The following SCMH1 variants were observed in gnomAD, a reference collection of about 807,000 sequenced individuals.
SCMH1 encodes Scm polycomb group protein homolog 1, also known as polycomb protein SCMH1.
A neutral mutation model predicts 70.8 loss-of-function variants in SCMH1; 37 were observed. That is an observed-to-expected ratio of 0.52 (90% CI 0.40 to 0.69). The LOEUF is 0.69. SCMH1 is among the 30% of genes least tolerant of loss of function. SCMH1 has a pLI of 0.00. For synonymous variants in SCMH1, 292 were observed against 307.4 expected (o/e 0.95, Z 0.52); for missense variants, 607 against 827.3 (o/e 0.73, Z 3.27).
At chr1:41,067,388 G>A (rs149101363) in intron 10 of SCMH1, among the ~76,000 whole-genome samples, 2,460 of 147,034 alleles carry the variant, frequency 0.017, 27 homozygotes, top group South Asian at 0.03. Context: ...AGGTTGCAGT[G>A]AGCTGAGATC....
rs1436795586 is a variant in SCMH1 at position 41,143,123 on chromosome 1, C to T, written c.178-11G>A. 1 of 1,609,274 alleles carries T rather than the reference C, an allele frequency of 6.2e-7. No homozygotes were observed. The highest frequency in any genetic ancestry group is 8.5e-7 in the Non-Finnish European group (1 of 1,175,776). On this transcript the variant is annotated splice_polypyrimidine_tract_variant and intron_variant, in intron 5 of 14. Transcript: ENST00000337495. ...TGGAGGTGTGTAGGACTGGGAAAAA[C>T]AAGGCATGAGGTATAGACAGATTAA...
chr1:41,202,226 G>A (rs1654521668), intron 1 of SCMH1, among the ~76,000 whole-genome samples: 1 of 151,978 alleles, frequency 6.6e-6, no homozygotes, highest in African/African-American at 2.4e-5. Context: ...AGTAGAGACG[G>A]GGTTTCACCA....
At chr1:41,151,803 T>A (rs981625699) in intron 4 of SCMH1, 119 bp from the exon 5 acceptor site, 1 of 585,294 alleles carries the variant, frequency 1.7e-6, no homozygotes, top group East Asian at 3.2e-5. Context: ...AAAAATATAA[T>A]TTTTTTCCTG....
intron 1 of SCMH1, among the ~76,000 whole-genome samples, chr1:41,197,914 A>T (rs999232867): frequency 2.6e-5 from 4 of 152,122 alleles, no homozygotes; most frequent in African/African-American, 9.7e-5. Flanking sequence ...TCTAATAAAC[A>T]TATTCCTTTT....
chr1:41,176,189 CAA>C (rs61348122), intron 2 of SCMH1, among the ~76,000 whole-genome samples: 1 of 109,960 alleles, frequency 9.1e-6, no homozygotes, highest in South Asian at 2.8e-4. Context: ...CCAAAAAAAA[CAA>C]AAAAAAAACA....
intron 1 of SCMH1, among the ~76,000 whole-genome samples, chr1:41,187,983 A>AAAAT (rs1037917585): frequency 8.5e-5 from 13 of 152,084 alleles, no homozygotes; most frequent in South Asian, 4.2e-4. Flanking sequence ...ACACTGTCTC[A>AAAAT]AAATAAATAA....
intron 9 of SCMH1, among the ~76,000 whole-genome samples, chr1:41,074,299 G>C (rs1657502777): frequency 6.6e-6 from 1 of 152,066 alleles, no homozygotes; most frequent in South Asian, 2.1e-4. Flanking sequence ...GTAGATCTAA[G>C]GGCCAATCTC....
intron 13 of SCMH1, 111 bp from the exon 14 acceptor site, chr1:41,034,159 G>A: frequency 3.5e-6 from 5 of 1,436,678 alleles, no homozygotes; most frequent in Non-Finnish European, 2.8e-6. Context: ...CAAAGCAAGG[G>A]AGCCGAGGCT....
rs1301582638 is a variant in SCMH1 at position 41,109,534 on chromosome 1, T to C, written c.745+3749A>G. ...ACTGCTGGCCAAACTTCTGCTGTTATAGAAAGCGCTTTTGTAGGACTTACT... is the reference window on the plus strand; with the variant it reads ...ACTGCTGGCCAAACTTCTGCTGTTACAGAAAGCGCTTTTGTAGGACTTACT... On this transcript the variant is annotated intron_variant, in intron 8 of 14. Transcript: ENST00000337495. Among the ~76,000 whole-genome samples, 6 of 152,290 alleles carry C rather than the reference T, an allele frequency of 3.9e-5. No homozygotes were observed. The East Asian group carries it at 7.7e-4, about 20-fold the overall frequency.
intron 13 of SCMH1, among the ~76,000 whole-genome samples, chr1:41,030,132 T>G (rs1644313690): frequency 6.6e-6 from 1 of 152,162 alleles, no homozygotes; most frequent in African/African-American, 2.4e-5. Flanking sequence ...AGGAGATCAT[T>G]TGATCCCAGG....
intron 5 of SCMH1, among the ~76,000 whole-genome samples, chr1:41,150,664 C>T (rs1413303140): frequency 7.9e-5 from 12 of 151,920 alleles, no homozygotes; most frequent in East Asian, 1.9e-4. Flanking sequence ...TGGCCGGGCA[C>T]GGTGGCTCAT....
intron 1 of SCMH1, among the ~76,000 whole-genome samples, 184 bp downstream of exon 1, chr1:41,241,875 C>A (rs557829477): frequency 3.0e-4 from 45 of 151,918 alleles, no homozygotes; most frequent in African/African-American, 1.0e-3. Flanking sequence ...CTGACACGGC[C>A]GAGAAAGGGC....
chr1:41,028,265 T>C (rs1264527858), exon 15 of SCMH1: 1 of 1,614,072 alleles, frequency 6.2e-7, no homozygotes, highest in Non-Finnish European at 8.5e-7. Context: ...TTCAGGCCCA[T>C]GTACTTCATC....
chr1:41,184,195 T>A (rs1649571275), intron 2 of SCMH1, among the ~76,000 whole-genome samples: 1 of 152,208 alleles, frequency 6.6e-6, no homozygotes, highest in Admixed American at 6.5e-5. Context: ...CTGCACTGAT[T>A]CCATTTCAGA....
chr1:41,084,103 A>G (rs1272669401), intron 8 of SCMH1, among the ~76,000 whole-genome samples: 1 of 152,230 alleles, frequency 6.6e-6, no homozygotes, highest in Non-Finnish European at 1.5e-5. Context: ...AAGCAATGGC[A>G]ACAAAAGCCA....
At chr1:41,097,751 T>C (rs966964489) in intron 8 of SCMH1, among the ~76,000 whole-genome samples, 2 of 152,240 alleles carry the variant, frequency 1.3e-5, no homozygotes, top group Non-Finnish European at 2.9e-5. Flanking sequence ...CTCTAACTTA[T>C]TCTAACCCAT....
At chr1:41,191,112 C>A (rs571088209) in intron 1 of SCMH1, among the ~76,000 whole-genome samples, 1 of 152,302 alleles carries the variant, frequency 6.6e-6, no homozygotes, top group South Asian at 2.1e-4. Flanking sequence ...TGGCCTCAAG[C>A]AATCCTCCTG....
intron 8 of SCMH1, among the ~76,000 whole-genome samples, chr1:41,092,191 C>T (rs554717581): frequency 6.6e-6 from 1 of 152,212 alleles, no homozygotes; most frequent in East Asian, 1.9e-4. Context: ...ACCAATGGAA[C>T]AGAATAGAGC....
chr1:41,132,077 T>C (rs1396632416), intron 6 of SCMH1, among the ~76,000 whole-genome samples: 1 of 152,248 alleles, frequency 6.6e-6, no homozygotes, highest in Admixed American at 6.5e-5. Flanking sequence ...ATGGGATCAC[T>C]GGGTCAAATG....
Sources: allele counts gnomAD v4.1 joint callset (sites outside exome capture counted in the v4.1 genomes callset), GRCh38; gene constraint gnomAD v4.1.1; transcripts MANE v1.5; gene names NCBI Gene and HGNC (gene_info 2026-07-23, HGNC 2026-07-21).